ACVR1C: variants seen among roughly 807,000 people sequenced by gnomAD.
The protein encoded by ACVR1C is activin A receptor type 1C.
Under a neutral mutation model 57.9 loss-of-function variants are expected in ACVR1C, and 23 were observed. The observed-to-expected ratio is 0.40, with a 90% confidence interval of 0.29 to 0.56. The LOEUF (loss-of-function observed/expected upper bound fraction) is 0.56. Among genes scored for constraint, ACVR1C ranks in the 20% least tolerant of loss-of-function variants. The pLI is 0.50. For missense variants in ACVR1C, 480 were observed against 607.9 expected (o/e 0.79, Z 2.21); for synonymous variants, 214 against 215.3 (o/e 0.99, Z 0.05).
chr2:157,602,131 TA>T (rs903743988), intron 1 of ACVR1C, among the ~76,000 whole-genome samples: 109 of 149,386 alleles, frequency 7.3e-4, no homozygotes, highest in African/African-American at 2.2e-3. Context: ...TTCGTTAAAA[TA>T]AAAAAAAAAT....
intron 1 of ACVR1C, among the ~76,000 whole-genome samples, chr2:157,603,506 A>G (rs1682326680): frequency 6.6e-6 from 1 of 152,176 alleles, no homozygotes; most frequent in African/African-American, 2.4e-5. Context: ...ATTCTATAGT[A>G]AAGCAAGAAA....
chr2:157,599,353 G>T (rs565366753), intron 1 of ACVR1C, among the ~76,000 whole-genome samples: 3 of 97,090 alleles, frequency 3.1e-5, no homozygotes, highest in South Asian at 7.0e-4. Flanking sequence ...AAAAAAAAAA[G>T]GCTGAATAAT....
chr2:157,586,208 G>A (rs903226252), intron 2 of ACVR1C, among the ~76,000 whole-genome samples: 3 of 151,658 alleles, frequency 2.0e-5, no homozygotes, highest in African/African-American at 4.8e-5. Context: ...TTCTATTTAG[G>A]GCAAGTACAC....
chr2:157,546,372 C>A (rs1289305868), intron 4 of ACVR1C, among the ~76,000 whole-genome samples: 1 of 152,144 alleles, frequency 6.6e-6, no homozygotes, highest in African/African-American at 2.4e-5. Context: ...TCAGAAATGG[C>A]AAATCATCAG....
rs1688528541 is a variant in ACVR1C at position 157,572,251 on chromosome 2, G to T, written c.304+14936C>A. On this transcript the variant is annotated intron_variant, in intron 2 of 8. Transcript: ENST00000243349. ...GGAGGGGGGAGGGATAGCATTGGGAGATATACCTAATGCTAGATGACATGT... is the reference window on the plus strand; with the variant it reads ...GGAGGGGGGAGGGATAGCATTGGGATATATACCTAATGCTAGATGACATGT... 2.1e-5 allele frequency among the ~76,000 whole-genome samples: 3 copies of T among 141,000 alleles called. No homozygotes were observed. The Admixed American group carries it at 2.2e-4, about 10-fold the overall frequency. 92.5% of individuals were successfully genotyped at this position (141,000 alleles called of 152,430 possible).
At chr2:157,597,538 C>G in intron 1 of ACVR1C, 1 of 985,454 alleles carries the variant, frequency 1.0e-6, no homozygotes, top group Non-Finnish European at 1.2e-6. Context: ...GGGGCTCGGC[C>G]ACCTGCCCGA....
chr2:157,584,953 A>T (rs1030102270), intron 2 of ACVR1C, among the ~76,000 whole-genome samples: 1 of 152,238 alleles, frequency 6.6e-6, no homozygotes, highest in Non-Finnish European at 1.5e-5. Flanking sequence ...TCTCAAAAAC[A>T]TTATGCTGAC....
chr2:157,601,757 C>G (rs1188788791), intron 1 of ACVR1C, among the ~76,000 whole-genome samples: 1 of 152,170 alleles, frequency 6.6e-6, no homozygotes, highest in Non-Finnish European at 1.5e-5. Context: ...ACCTCTAACC[C>G]TGCTGTGCAG....
At position 157,544,689 on chromosome 2, in the gene ACVR1C, T is replaced by C. The variant is rs192059207; in HGVS notation, c.776-77A>G. 16 of 1,262,924 alleles carry C rather than the reference T, an allele frequency of 1.3e-5. No homozygotes were observed. The African/African-American group carries it at 2.2e-4, about 18-fold the overall frequency. 78.2% of individuals were successfully genotyped at this position (1,262,924 alleles called of 1,614,324 possible). ...CAAAAGCTTTTAAAAATATCAGTGT[T>C]TAATCTGTATTGTTAACAAAGCAAA... On this transcript the variant is annotated intron_variant, in intron 4 of 8. Coordinates refer to ENST00000243349, the MANE Select transcript of ACVR1C (RefSeq NM_145259.3).
At chr2:157,598,925 A>C (rs1289378074) in intron 1 of ACVR1C, among the ~76,000 whole-genome samples, 1 of 152,126 alleles carries the variant, frequency 6.6e-6, no homozygotes, top group Non-Finnish European at 1.5e-5. Flanking sequence ...TTATTATTCC[A>C]ACCTATTGTG....
At chr2:157,538,100 C>G (rs900307254) in intron 8 of ACVR1C, among the ~76,000 whole-genome samples, 1 of 152,144 alleles carries the variant, frequency 6.6e-6, no homozygotes, top group Non-Finnish European at 1.5e-5. Context: ...GTGCCTAGCC[C>G]CCCTGCAGGT....
At chr2:157,566,446 G>A (rs1033306459) in intron 2 of ACVR1C, among the ~76,000 whole-genome samples, 1 of 152,190 alleles carries the variant, frequency 6.6e-6, no homozygotes, top group Non-Finnish European at 1.5e-5. Context: ...TCCATCTGAG[G>A]TACCGGGTTC....
intron 2 of ACVR1C, 63 bp from the exon 3 acceptor site, chr2:157,556,395 G>A (rs1688101362): frequency 1.3e-6 from 2 of 1,587,138 alleles, no homozygotes; most frequent in Non-Finnish European, 1.7e-6. Flanking sequence ...TTTTGGAATT[G>A]GAATTGCAAT....
At chr2:157,603,968 T>C (rs80212406) in intron 1 of ACVR1C, among the ~76,000 whole-genome samples, 8,568 of 152,108 alleles carry the variant, frequency 0.056, 495 homozygotes, top group African/African-American at 0.15. Context: ...GACCCACATC[T>C]CCCCACTCTC....
chr2:157,542,913 CAAGAGAAA>C, intron 5 of ACVR1C, 51 bp from the exon 6 acceptor site: 1 of 1,549,934 alleles, frequency 6.5e-7, no homozygotes, highest in South Asian at 1.2e-5. Flanking sequence ...GGAGACTGTT[CAAGAGAAA>C]TCATCCTGAA....
At chr2:157,550,479 G>T in intron 3 of ACVR1C, 87 bp from the exon 4 acceptor site, 1 of 1,243,394 alleles carries the variant, frequency 8.0e-7, no homozygotes. Flanking sequence ...TTTTAAAAAA[G>T]CAAACATTTA....
intron 1 of ACVR1C, among the ~76,000 whole-genome samples, chr2:157,605,567 T>A (rs1682373843): frequency 6.6e-6 from 1 of 151,728 alleles, no homozygotes; most frequent in African/African-American, 2.4e-5. Context: ...CCATGACTCC[T>A]GAGGATATCG....
intron 1 of ACVR1C, among the ~76,000 whole-genome samples, chr2:157,597,174 A>G (rs1682145304): frequency 6.6e-6 from 1 of 152,042 alleles, no homozygotes; most frequent in Non-Finnish European, 1.5e-5. Flanking sequence ...GTCCTCCCTC[A>G]CCAGGCAGTG....
chr2:157,554,211 G>GAAAT (rs1436444710), intron 3 of ACVR1C, among the ~76,000 whole-genome samples: 1 of 68,322 alleles, frequency 1.5e-5, no homozygotes, highest in Admixed American at 1.5e-4. Context: ...GAGAAAGAAA[G>GAAAT]AAAGAAAGAA....
Sources: allele counts gnomAD v4.1 joint callset (sites outside exome capture counted in the v4.1 genomes callset), GRCh38; gene constraint gnomAD v4.1.1; transcripts MANE v1.5; gene names NCBI Gene and HGNC (gene_info 2026-07-23, HGNC 2026-07-21).